Variants in GRIA2 observed in about 807,000 individuals in gnomAD.
The protein encoded by GRIA2 is glutamate receptor 2.
Under a neutral mutation model 97.3 loss-of-function variants are expected in GRIA2, and 14 were observed. The ratio of observed to expected loss-of-function variants is 0.14; its 90% CI spans 0.10 to 0.23. The LOEUF is 0.23. GRIA2 is among the 10% of genes least tolerant of loss of function. The pLI is 1.00. For missense variants in GRIA2, 558 were observed against 1,069.8 expected, an observed-to-expected ratio of 0.52 and a Z score of 6.67; for synonymous variants, 412 against 387.8, an observed-to-expected ratio of 1.06 and a Z score of -0.73.
At chr4:157,298,506 A>C (rs1733456718) in intron 2 of GRIA2, among the ~76,000 whole-genome samples, 2 of 151,980 alleles carry the variant, frequency 1.3e-5, no homozygotes, top group Non-Finnish European at 2.9e-5. Flanking sequence ...GAATAAAATA[A>C]AACATTTTTT....
intron 3 of GRIA2, among the ~76,000 whole-genome samples, chr4:157,306,046 GT>G (rs1161736614): frequency 6.6e-6 from 1 of 152,162 alleles, no homozygotes; most frequent in Non-Finnish European, 1.5e-5. Flanking sequence ...TATGTGTACA[GT>G]ATTTTAAGTT....
intron 12 of GRIA2, among the ~76,000 whole-genome samples, chr4:157,356,526 G>A (rs928918519): frequency 6.6e-6 from 1 of 151,998 alleles, no homozygotes; most frequent in Non-Finnish European, 1.5e-5. Flanking sequence ...TGAGGGTGGT[G>A]ATCATCATTG....
chr4:157,362,879 G>T lies in GRIA2; in HGVS notation c.2487G>T (p.Leu829=). 6.2e-7 allele frequency: 1 copy of T among 1,613,528 alleles called. No homozygotes were observed. Residue 829 remains leucine (L), a synonymous_variant, in exon 15 of 16, where the codon CTG becomes CTT. Transcript: ENST00000264426. ...TCGGGGGCCTTGGTTTGGCAATGCT[G>T]GTGGCTTTGATTGAGTTCTGTTACA... ...ILVGGLGLAM[L]VALIEFCYKS... is the part of the protein sequence containing the mutation.
chr4:157,305,677 C>T (rs1029673617), intron 3 of GRIA2, among the ~76,000 whole-genome samples: 1 of 152,064 alleles, frequency 6.6e-6, no homozygotes, highest in African/African-American at 2.4e-5. Flanking sequence ...CTTACTCCTC[C>T]TTGAGAACTG....
intron 2 of GRIA2, among the ~76,000 whole-genome samples, chr4:157,272,058 T>C (rs1732051494): frequency 6.6e-6 from 1 of 152,146 alleles, no homozygotes; most frequent in African/African-American, 2.4e-5. Context: ...ACATTGTAGA[T>C]CAACCAGCTG....
At chr4:157,239,007 T>C (rs2126711420) in intron 2 of GRIA2, among the ~76,000 whole-genome samples, 1 of 152,272 alleles carries the variant, frequency 6.6e-6, no homozygotes, top group East Asian at 1.9e-4. Context: ...GTCATTGCGG[T>C]ACTTTTTCCT....
chr4:157,290,572 A>G (rs1170419289), intron 2 of GRIA2, among the ~76,000 whole-genome samples: 1 of 151,256 alleles, frequency 6.6e-6, no homozygotes, highest in East Asian at 2.0e-4. Flanking sequence ...AATTTCATTC[A>G]TATATAGATC....
At chr4:157,307,901 G>A (rs946626029) in intron 3 of GRIA2, among the ~76,000 whole-genome samples, 2 of 152,192 alleles carry the variant, frequency 1.3e-5, no homozygotes, top group Admixed American at 1.3e-4. Context: ...TCATATTCCT[G>A]AGAGAGCTGA....
At chr4:157,340,865 G>T (rs963557214) in intron 11 of GRIA2, among the ~76,000 whole-genome samples, 2 of 151,602 alleles carry the variant, frequency 1.3e-5, no homozygotes, top group African/African-American at 2.4e-5. Context: ...TTTAATTTTT[G>T]ATTTTGTTCA....
At chr4:157,302,965 A>G (rs142461525) in intron 2 of GRIA2, among the ~76,000 whole-genome samples, 4 of 152,144 alleles carry the variant, frequency 2.6e-5, no homozygotes. Context: ...TTAAAATGCA[A>G]AGTTTTGGAC....
At chr4:157,320,110 G>GA (rs1209404250) in intron 5 of GRIA2, among the ~76,000 whole-genome samples, 1 of 152,082 alleles carries the variant, frequency 6.6e-6, no homozygotes, top group African/African-American at 2.4e-5. Context: ...GGAAGCACTG[G>GA]AAAAAATGGG....
chr4:157,359,124 A>G (rs1197004382), intron 12 of GRIA2, among the ~76,000 whole-genome samples: 3 of 152,182 alleles, frequency 2.0e-5, no homozygotes, highest in African/African-American at 7.2e-5. Context: ...AATAGGAAGT[A>G]TTCAATGACT....
intron 4 of GRIA2, among the ~76,000 whole-genome samples, chr4:157,317,368 C>T (rs1402270401): frequency 6.6e-6 from 1 of 152,068 alleles, no homozygotes; most frequent in East Asian, 1.9e-4. Flanking sequence ...TGCTTCTTAA[C>T]ATTCTGTGGT....
At chr4:157,322,242 A>AGAGT (rs1203655628) in intron 6 of GRIA2, among the ~76,000 whole-genome samples, 9 of 137,242 alleles carry the variant, frequency 6.6e-5, no homozygotes, top group African/African-American at 2.4e-4. Context: ...AGAGAGAGAG[A>AGAGT]GTGTGTGTGT....
intron 6 of GRIA2, among the ~76,000 whole-genome samples, chr4:157,329,472 A>G (rs1223590579): frequency 3.3e-5 from 5 of 151,982 alleles, no homozygotes; most frequent in Non-Finnish European, 2.9e-5. Context: ...ATGTTAAAGA[A>G]ATTTCAAAAT....
intron 12 of GRIA2, among the ~76,000 whole-genome samples, chr4:157,352,747 A>G (rs1012466371): frequency 6.7e-6 from 1 of 149,592 alleles, no homozygotes; most frequent in Admixed American, 6.7e-5. Flanking sequence ...AACACACACA[A>G]CAACAACAAC....
At chr4:157,253,465 A>G (rs1269753570) in intron 2 of GRIA2, among the ~76,000 whole-genome samples, 1 of 152,048 alleles carries the variant, frequency 6.6e-6, no homozygotes, top group Non-Finnish European at 1.5e-5. Flanking sequence ...AGTGTAACTC[A>G]TGTATACAAA....
intron 2 of GRIA2, among the ~76,000 whole-genome samples, chr4:157,244,435 A>T (rs960820171): frequency 2.6e-5 from 4 of 152,084 alleles, no homozygotes. Context: ...TGTCAGCAAA[A>T]ATATGCAATG....
chr4:157,338,925 A>C (rs2126946270), intron 11 of GRIA2, among the ~76,000 whole-genome samples: 2 of 152,138 alleles, frequency 1.3e-5, no homozygotes, highest in South Asian at 2.1e-4. Flanking sequence ...AAAGCATGAC[A>C]TCCACAGATC....
Sources: gnomAD v4.1 joint callset for allele counts (sites outside exome capture counted in the v4.1 genomes callset) on GRCh38, gnomAD v4.1.1 for gene constraint, MANE v1.5 for transcripts, NCBI Gene and HGNC (gene_info 2026-07-23, HGNC 2026-07-21) for gene names.